Variants in DENND3 observed in about 807,000 individuals in gnomAD.
The protein encoded by DENND3 is DENN domain-containing protein 3.
DENND3 carries 88 observed loss-of-function variants against 135.1 expected under a neutral mutation model. That is an observed-to-expected ratio of 0.65 (90% confidence interval 0.55 to 0.78). DENND3 has a LOEUF of 0.78. Among genes scored for constraint, DENND3 ranks in the 30% least tolerant of loss-of-function variants. DENND3 has a pLI of 0.00. For missense variants in DENND3, 1,392 were observed against 1,688.4 expected (o/e 0.82, Z 3.08); for synonymous variants, 693 against 712.3 (o/e 0.97, Z 0.43).
At position 141,144,017 on chromosome 8, in the gene DENND3, G is replaced by C; in HGVS notation, c.624-131G>C. Reference sequence around the variant, plus strand: ...TGTCACCCAGCAGCTTGGTGACTTTGCTTTTGGTGAAAGGTCCTGGAGCTG... The same window carrying C: ...TGTCACCCAGCAGCTTGGTGACTTTCCTTTTGGTGAAAGGTCCTGGAGCTG... On this transcript the variant is annotated intron_variant, in intron 4 of 22. Transcript: ENST00000519811. This position sits in a 1 kb window ranked among gnomAD's most constrained non-coding sequence, Gnocchi z 4.4. 2.8e-6 allele frequency: 2 copies of C among 725,116 alleles called. No individual in the cohort carries two copies. The highest frequency in any genetic ancestry group is 6.6e-5 in the Admixed American group (2 of 30,202). 44.9% of individuals were successfully genotyped at this position (725,116 alleles called of 1,614,324 possible).
intron 13 of DENND3, among the ~76,000 whole-genome samples, chr8:141,172,043 C>T (rs1047118298): frequency 2.8e-5 from 4 of 141,004 alleles, no homozygotes; most frequent in Non-Finnish European, 6.1e-5. Flanking sequence ...TGCACAGTGT[C>T]TTGGGTGAGC....
At position 141,182,456 on chromosome 8, in the gene DENND3, A is replaced by AAG; in HGVS notation, c.2944+1604_2944+1605dup. On this transcript the variant is annotated intron_variant, in intron 17 of 22. Transcript: ENST00000519811. The surrounding 1 kb of genome is among the most constrained non-coding windows in gnomAD (Gnocchi z 5.9). ...TTCGCCAGAGATGACTCCACAGACC[A>AAG]AGATACTTTGACCGTGGCATTTGAA... The AAG allele has an allele frequency of 1.0e-6, 1 of 985,450 alleles. No homozygotes were observed. Among genetic ancestry groups the AAG allele is most frequent in the Non-Finnish European group, 1.2e-6 (1 of 829,934 alleles). 61.0% of individuals were successfully genotyped at this position (985,450 alleles called of 1,614,324 possible). A position where few individuals can be genotyped will look rare whatever the true frequency, so the allele number is the denominator to read the frequency against.
At chr8:141,159,643 A>G (rs1471492454) in intron 8 of DENND3, among the ~76,000 whole-genome samples, 1 of 152,250 alleles carries the variant, frequency 6.6e-6, no homozygotes, top group Non-Finnish European at 1.5e-5. Flanking sequence ...TCCCTAGCAC[A>G]CAGATCAGTG....
chr8:141,157,466 A>T (rs1819581903), intron 8 of DENND3: 1 of 985,478 alleles, frequency 1.0e-6, no homozygotes, highest in African/African-American at 1.7e-5. Context: ...AACTGCAGCC[A>T]GGCCCTGAGT....
intron 13 of DENND3, among the ~76,000 whole-genome samples, chr8:141,170,436 TGTGTGCGC>T (rs1326164093): frequency 1.1e-4 from 17 of 151,294 alleles, no homozygotes; most frequent in Non-Finnish European, 1.9e-4. Flanking sequence ...CGAGTGTGCG[TGTGTGCGC>T]GCGCTGTACC....
At chr8:141,156,470 C>G (rs1819443393) in intron 8 of DENND3, among the ~76,000 whole-genome samples, 1 of 152,160 alleles carries the variant, frequency 6.6e-6, no homozygotes, top group South Asian at 2.1e-4. Context: ...ACAGTCACAT[C>G]CTGTCTCTTG....
In DENND3 at chr8:141,168,413, C is replaced by G. The variant is rs1417827898; in HGVS notation, c.2163C>G (p.Phe721Leu). The change falls in exon 13 of 23, where the codon TTC becomes TTG. Residue 721 changes from phenylalanine (F) to leucine (L), a missense_variant. Physicochemically the swap from Phe to Leu is conservative, Grantham distance 22. Coordinates refer to ENST00000519811, the MANE Select transcript of DENND3 (RefSeq NM_001352890.3). This position sits in a 1 kb window ranked among gnomAD's most constrained non-coding sequence, Gnocchi z 6.2. ...ASKLDDHVKK[F>L]KLPKKHMQLG... ...AGCTGGACGACCACGTGAAGAAGTT[C>G]AAGCTGCCCAAGAAGCACATGCAGC... The G allele has an allele frequency of 6.2e-7, 1 of 1,613,902 alleles. No homozygotes were observed. The highest frequency in any genetic ancestry group is 2.2e-5 in the East Asian group (1 of 44,888).
chr8:141,160,879 C>A, intron 9 of DENND3, 92 bp downstream of exon 9: 2 of 1,462,766 alleles, frequency 1.4e-6, no homozygotes, highest in East Asian at 2.4e-5. Context: ...AGAGGGCAGG[C>A]CATTAGTACC....
chr8:141,178,431 A>G (rs982701141), intron 16 of DENND3, among the ~76,000 whole-genome samples: 2 of 152,146 alleles, frequency 1.3e-5, no homozygotes, highest in African/African-American at 4.8e-5. Flanking sequence ...CGTCGTTTTA[A>G]TGTCTGGATA....
chr8:141,192,811 G>T, intron 22 of DENND3, 148 bp downstream of exon 22: 2 of 1,570,362 alleles, frequency 1.3e-6, no homozygotes, highest in South Asian at 2.3e-5. Flanking sequence ...CACGTGCAGG[G>T]TTGGTGCCAA....
intron 7 of DENND3, among the ~76,000 whole-genome samples, chr8:141,155,004 G>A (rs1025129877): frequency 6.6e-6 from 1 of 152,200 alleles, no homozygotes; most frequent in African/African-American, 2.4e-5. Context: ...CATCAACGTG[G>A]AGTGAAATAG....
chr8:141,153,154 C>T (rs565754519), intron 7 of DENND3, among the ~76,000 whole-genome samples: 79 of 144,778 alleles, frequency 5.5e-4, no homozygotes, highest in Non-Finnish European at 9.2e-4. Flanking sequence ...AGTGCAATGG[C>T]GTGATCTCGG....
chr8:141,174,424 C>G lies in DENND3; in HGVS notation c.2276-776C>G, dbSNP rs1250514944. 6.6e-6 allele frequency among the ~76,000 whole-genome samples: 1 copy of G among 152,016 alleles called. No individual in the cohort carries two copies. The highest frequency in any genetic ancestry group is 1.9e-4 in the East Asian group (1 of 5,184). Reference sequence around the variant, plus strand: ...GAGGGACACTGGGTGGAGGCAGAGCCGAGCAGGCAGGCTAGGGGCTTGAGT... The same window carrying G: ...GAGGGACACTGGGTGGAGGCAGAGCGGAGCAGGCAGGCTAGGGGCTTGAGT... On this transcript the variant is annotated intron_variant, in intron 13 of 22. Coordinates refer to ENST00000519811, the MANE Select transcript of DENND3 (RefSeq NM_001352890.3). The surrounding 1 kb of genome is among the most constrained non-coding windows in gnomAD (Gnocchi z 4.6).
chr8:141,157,230 G>A (rs990312619), intron 8 of DENND3, among the ~76,000 whole-genome samples: 1 of 152,158 alleles, frequency 6.6e-6, no homozygotes, highest in Admixed American at 6.5e-5. Flanking sequence ...GGTCTCTGTC[G>A]AGGTGCAAAG....
Position 141,138,332 on chromosome 8 carries a change from A to G in DENND3, c.501+195A>G, listed in dbSNP as rs752536301. On this transcript the variant is annotated intron_variant, in intron 3 of 22. Coordinates refer to ENST00000519811, the MANE Select transcript of DENND3 (RefSeq NM_001352890.3). This position sits in a 1 kb window ranked among gnomAD's most constrained non-coding sequence, Gnocchi z 4.8. ...CTTTCATCATCCCTGAAAACCCCAT[A>G]CCATTAAGCCTTCAGTCCTGCTTCC... Among the ~76,000 whole-genome samples the G allele has an allele frequency of 6.6e-6, 1 of 151,650 alleles. No individual in the cohort carries two copies. Among genetic ancestry groups the G allele is most frequent in the Admixed American group, 6.6e-5 (1 of 15,254 alleles).
Position 141,166,412 on chromosome 8 carries a change from G to A in DENND3, c.1753+23G>A, listed in dbSNP as rs773821367. 2 of 1,598,176 alleles carry A rather than the reference G, an allele frequency of 1.3e-6. No homozygotes were observed. The highest frequency in any genetic ancestry group is 4.5e-5 in the East Asian group (2 of 44,708). ...CAGGTGAGGGCTGCCCCCCACTGTGGTGCTGTGTGTCGGTCCCACCATTCC... is the reference window on the plus strand; with the variant it reads ...CAGGTGAGGGCTGCCCCCCACTGTGATGCTGTGTGTCGGTCCCACCATTCC... On this transcript the variant is annotated intron_variant, in intron 12 of 22. Transcript: ENST00000519811. This position sits in a 1 kb window ranked among gnomAD's most constrained non-coding sequence, Gnocchi z 4.3.
At chr8:141,190,829 C>T (rs540672136) in intron 20 of DENND3, among the ~76,000 whole-genome samples, 3 of 152,350 alleles carry the variant, frequency 2.0e-5, no homozygotes, top group Non-Finnish European at 4.4e-5. Context: ...CTGTTCCCCT[C>T]GGCTGCTTGG....
At chr8:141,188,920 T>C (rs900092230) in intron 18 of DENND3, 66 bp from the exon 19 acceptor site, 1 of 1,567,038 alleles carries the variant, frequency 6.4e-7, no homozygotes, top group African/African-American at 1.4e-5. Context: ...GCAGTAAATG[T>C]ATAGAATATG....
At position 141,137,719 on chromosome 8, in the gene DENND3, C is replaced by T. The variant is rs1051773180; in HGVS notation, c.386-303C>T. Among the ~76,000 whole-genome samples the T allele has an allele frequency of 1.3e-5, 2 of 152,248 alleles. No homozygotes were observed. Among genetic ancestry groups the T allele is most frequent in the African/African-American group, 4.8e-5 (2 of 41,464 alleles). On this transcript the variant is annotated intron_variant, in intron 2 of 22. Coordinates refer to ENST00000519811, the MANE Select transcript of DENND3 (RefSeq NM_001352890.3). This position sits in a 1 kb window ranked among gnomAD's most constrained non-coding sequence, Gnocchi z 4.1. ...TAAGCACCCACCTCAGAACTTGGTG[C>T]TATTTCCTGGTCACAGGGATTATAA...
Sources: allele counts gnomAD v4.1 joint callset (sites outside exome capture counted in the v4.1 genomes callset), GRCh38; gene constraint gnomAD v4.1.1; non-coding constraint Gnocchi (gnomAD v3.1); transcripts MANE v1.5; gene names NCBI Gene and HGNC (gene_info 2026-07-23, HGNC 2026-07-21).